CUBN: variants seen among roughly 807,000 people sequenced by gnomAD.
CUBN encodes 460 kDa receptor.
In CUBN, 282 loss-of-function variants were observed where a neutral mutation model predicts 405.3. The observed-to-expected ratio is 0.70, with a 90% CI of 0.63 to 0.77. The LOEUF (loss-of-function observed/expected upper bound fraction) is 0.77, where lower values mean the gene tolerates loss of function less well. Among genes scored for constraint, CUBN ranks in the 30% least tolerant of loss-of-function variants. CUBN has a pLI of 0.00. For synonymous variants in CUBN, 1,684 were observed against 1,617.0 expected (o/e 1.04, Z -0.99); for missense variants, 4,514 against 4,475.2 (o/e 1.01, Z -0.25).
intron 31 of CUBN, among the ~76,000 whole-genome samples, chr10:16,958,908 G>A (rs1412399485): frequency 6.6e-6 from 1 of 152,196 alleles, no homozygotes; most frequent in Non-Finnish European, 1.5e-5. Flanking sequence ...AGGCTGGGAA[G>A]TCCAAGAACA....
chr10:17,066,598 C>T (rs188152667), intron 21 of CUBN, among the ~76,000 whole-genome samples: 6 of 152,034 alleles, frequency 3.9e-5, no homozygotes, highest in Admixed American at 2.6e-4. Context: ...TAAATGCCTT[C>T]GTATATGCCC....
At chr10:17,082,891 A>G (rs961317191) in intron 17 of CUBN, among the ~76,000 whole-genome samples, 27 of 152,332 alleles carry the variant, frequency 1.8e-4, no homozygotes, top group Middle Eastern at 6.8e-3. Context: ...AGAGGATTCA[A>G]TGAAATAACT....
chr10:16,842,904 C>T (rs1199463023), intron 60 of CUBN, among the ~76,000 whole-genome samples: 1 of 152,172 alleles, frequency 6.6e-6, no homozygotes, highest in African/African-American at 2.4e-5. Flanking sequence ...CTCTTCCTTC[C>T]TCAGGTGAAG....
chr10:16,989,814 C>A (rs1833529447), intron 29 of CUBN, among the ~76,000 whole-genome samples: 2 of 152,312 alleles, frequency 1.3e-5, no homozygotes, highest in Middle Eastern at 6.8e-3. Context: ...CCTTGAAGAG[C>A]AGCGGCAGCC....
Position 17,065,567 on chromosome 10 carries a change from T to G in CUBN, c.3080A>C (p.Asp1027Ala). The G allele has an allele frequency of 6.2e-7, 1 of 1,613,626 alleles. No individual in the cohort carries two copies. The highest frequency in any genetic ancestry group is 8.5e-7 in the Non-Finnish European group (1 of 1,179,642). The change falls in exon 22 of 67, where the codon GAC becomes GCC. Residue 1027 changes from aspartate to alanine, a missense_variant. This residue lies in a region of CUBN where 1,448 missense variants were observed against 1,388.0 expected (regional missense o/e 1.04). Coordinates refer to ENST00000377833, the MANE Select transcript of CUBN (RefSeq NM_001081.4). ...GNSLMLVFVT[D>A]SDLAYEGFLI... ...GAAGCCTTCATAAGCGAGGTCGGAG[T>G]CAGTCACAAACACCAGCATCAATGA...
chr10:16,989,275 C>A (rs1204235056), intron 29 of CUBN, among the ~76,000 whole-genome samples: 2 of 151,044 alleles, frequency 1.3e-5, no homozygotes, highest in East Asian at 3.9e-4. Flanking sequence ...GTGTTACATA[C>A]ATGTAACTAT....
At chr10:17,081,737 G>A (rs548437029) in intron 17 of CUBN, among the ~76,000 whole-genome samples, 9 of 152,082 alleles carry the variant, frequency 5.9e-5, no homozygotes, top group African/African-American at 2.2e-4. Context: ...GTCAATGTAC[G>A]TCCATCTAGA....
chr10:16,869,568 C>A (rs703074), intron 59 of CUBN, 68 bp downstream of exon 59: 41 of 942,364 alleles, frequency 4.4e-5, no homozygotes, highest in African/African-American at 2.5e-4. Context: ...GGGGGGGGGG[C>A]GGGGAAATTA....
chr10:16,916,198 C>T (rs1044001142), intron 45 of CUBN, among the ~76,000 whole-genome samples, 168 bp from the exon 46 acceptor site: 12 of 152,192 alleles, frequency 7.9e-5, no homozygotes, highest in African/African-American at 2.7e-4. Flanking sequence ...TAGTGCTTTC[C>T]TCATTATTTG....
chr10:16,861,776 C>T (rs762995781), intron 59 of CUBN, among the ~76,000 whole-genome samples: 8 of 152,098 alleles, frequency 5.3e-5, no homozygotes, highest in Non-Finnish European at 1.2e-4. Context: ...GTCCTGTGTC[C>T]TTTCTTCCAC....
chr10:16,966,267 G>C (rs1181645894), intron 31 of CUBN, among the ~76,000 whole-genome samples: 1 of 152,168 alleles, frequency 6.6e-6, no homozygotes, highest in African/African-American at 2.4e-5. Flanking sequence ...TCACTTAGCA[G>C]AATGGGTAAC....
At chr10:17,104,956 G>A (rs1011163533) in intron 11 of CUBN, among the ~76,000 whole-genome samples, 8 of 151,186 alleles carry the variant, frequency 5.3e-5, no homozygotes, top group African/African-American at 1.2e-4. Flanking sequence ...TTACAGGCAC[G>A]CGCCACCACA....
intron 10 of CUBN, among the ~76,000 whole-genome samples, chr10:17,106,708 G>C (rs988267973): frequency 6.6e-6 from 1 of 151,726 alleles, no homozygotes; most frequent in Non-Finnish European, 1.5e-5. Flanking sequence ...CACACAGCTA[G>C]AATGAGGGGA....
chr10:16,891,715 A>G (rs928634292), intron 54 of CUBN, among the ~76,000 whole-genome samples: 5 of 50,050 alleles, frequency 1.0e-4, no homozygotes, highest in Admixed American at 4.2e-4. Flanking sequence ...AACTTGGGGG[A>G]AAAAAACCCC....
At chr10:16,883,257 G>C (rs1453959023) in intron 56 of CUBN, among the ~76,000 whole-genome samples, 1 of 152,162 alleles carries the variant, frequency 6.6e-6, no homozygotes, top group African/African-American at 2.4e-5. Flanking sequence ...GCATGTACTA[G>C]TATACAGCTA....
chr10:16,908,369 T>G (rs2131440663), intron 48 of CUBN, among the ~76,000 whole-genome samples: 1 of 152,278 alleles, frequency 6.6e-6, no homozygotes, highest in African/African-American at 2.4e-5. Context: ...GGTCTTGAAC[T>G]CCTGACTTCA....
intron 51 of CUBN, among the ~76,000 whole-genome samples, chr10:16,902,001 A>G (rs1841399379): frequency 1.7e-5 from 2 of 119,738 alleles, no homozygotes; most frequent in Admixed American, 1.0e-4. Flanking sequence ...TATATAGTAT[A>G]TATATACACA....
At chr10:16,919,577 C>A (rs1841977083) in intron 44 of CUBN, among the ~76,000 whole-genome samples, 5 of 152,198 alleles carry the variant, frequency 3.3e-5, no homozygotes, top group Admixed American at 2.0e-4. Context: ...GGTGACACAC[C>A]ACACAAATTC....
intron 7 of CUBN, among the ~76,000 whole-genome samples, chr10:17,114,626 C>T (rs1476590960): frequency 2.0e-5 from 3 of 152,146 alleles, no homozygotes; most frequent in Admixed American, 2.0e-4. Flanking sequence ...AATTATTTTC[C>T]ATCACATGGG....
Sources: gnomAD v4.1 joint callset for allele counts (sites outside exome capture counted in the v4.1 genomes callset) on GRCh38, gnomAD v4.1.1 for gene constraint, gnomAD v4.1.1 regional missense constraint, MANE v1.5 for transcripts, NCBI Gene and HGNC (gene_info 2026-07-23, HGNC 2026-07-21) for gene names.